Variants in MAPKAP1 observed in about 807,000 individuals in gnomAD.
The protein encoded by MAPKAP1 is target of rapamycin complex 2 subunit MAPKAP1.
MAPKAP1 carries 20 observed loss-of-function variants against 65.7 expected under a neutral mutation model. The observed-to-expected ratio is 0.30, with a 90% CI of 0.21 to 0.44. The LOEUF (loss-of-function observed/expected upper bound fraction) is 0.44, where lower values mean the gene tolerates loss of function less well. Ranked by LOEUF, MAPKAP1 falls within the 20% of genes least tolerant of loss-of-function variation. MAPKAP1 has a pLI of 1.00. For missense variants in MAPKAP1, 423 were observed against 648.0 expected, an observed-to-expected ratio of 0.65 and a Z score of 3.77; for synonymous variants, 222 against 244.3, an observed-to-expected ratio of 0.91 and a Z score of 0.85.
rs184261440 is a variant in MAPKAP1 at position 125,498,098 on chromosome 9, T to G, written c.1066+8212A>C. Among the ~76,000 whole-genome samples the G allele has an allele frequency of 4.7e-4, 72 of 152,342 alleles. 2 individuals are homozygous for G. The highest frequency in any genetic ancestry group is 1.6e-3 in the African/African-American group (67 of 41,578). On this transcript the variant is annotated intron_variant, in intron 8 of 11. Transcript: ENST00000265960. ...TTCCAGCTTCTAGCAGGCATTTGGC[T>G]GAAGGATGTAGTAGATTATCCGACA...
chr9:125,465,198 C>T (rs1245301136), intron 10 of MAPKAP1, among the ~76,000 whole-genome samples: 1 of 152,200 alleles, frequency 6.6e-6, no homozygotes, highest in African/African-American at 2.4e-5. Context: ...TCTAGACTCT[C>T]TCTCTTTGCC....
intron 3 of MAPKAP1, among the ~76,000 whole-genome samples, chr9:125,664,473 C>G (rs1476868801): frequency 6.6e-6 from 1 of 151,742 alleles, no homozygotes; most frequent in African/African-American, 2.4e-5. Flanking sequence ...GCCTGTAATC[C>G]CAGCACTTTA....
At chr9:125,621,774 G>C (rs1832907004) in intron 4 of MAPKAP1, among the ~76,000 whole-genome samples, 1 of 152,110 alleles carries the variant, frequency 6.6e-6, no homozygotes, top group South Asian at 2.1e-4. Flanking sequence ...ACTATACATG[G>C]GTTCTTAAGG....
chr9:125,531,726 A>G (rs1829939153), intron 7 of MAPKAP1, among the ~76,000 whole-genome samples: 1 of 152,192 alleles, frequency 6.6e-6, no homozygotes, highest in Admixed American at 6.5e-5. Context: ...GAGAACCCAT[A>G]TACCCATCAC....
chr9:125,497,673 A>C (rs1469853102), intron 8 of MAPKAP1, among the ~76,000 whole-genome samples: 4 of 152,250 alleles, frequency 2.6e-5, no homozygotes, highest in African/African-American at 9.6e-5. Flanking sequence ...ACAGGCTGCA[A>C]GTGGTTCACC....
intron 7 of MAPKAP1, among the ~76,000 whole-genome samples, chr9:125,541,306 AC>A (rs1053265872): frequency 6.6e-6 from 1 of 152,224 alleles, no homozygotes; most frequent in African/African-American, 2.4e-5. Flanking sequence ...AAGGAAAGAT[AC>A]TTGCTCAGCT....
At chr9:125,550,848 A>G (rs1372473855) in intron 6 of MAPKAP1, among the ~76,000 whole-genome samples, 1 of 152,252 alleles carries the variant, frequency 6.6e-6, no homozygotes, top group African/African-American at 2.4e-5. Context: ...TTGGTCCTCT[A>G]TGAATCAAGC....
rs575817501 is a variant in MAPKAP1 at position 125,515,635 on chromosome 9, G to A, written c.959-9218C>T. Reference sequence around the variant, plus strand: ...AGCCCCAGCCTAATGGCAAAAAATCGTAACTAAATTGAACCGATCACCAGA... The same window carrying A: ...AGCCCCAGCCTAATGGCAAAAAATCATAACTAAATTGAACCGATCACCAGA... On this transcript the variant is annotated intron_variant, in intron 7 of 11. Coordinates refer to ENST00000265960, the MANE Select transcript of MAPKAP1 (RefSeq NM_001006617.3). 7.1e-4 allele frequency among the ~76,000 whole-genome samples: 108 copies of A among 152,304 alleles called. 1 individual carries two copies. The Middle Eastern group carries it at 0.014, about 19-fold the overall frequency.
At chr9:125,543,023 TTC>T in intron 7 of MAPKAP1, 34 bp downstream of exon 7, 1 of 1,380,704 alleles carries the variant, frequency 7.2e-7, no homozygotes, top group African/African-American at 1.4e-5. Flanking sequence ...AGGGTTAAGC[TTC>T]TACTACTGTG....
intron 4 of MAPKAP1, among the ~76,000 whole-genome samples, chr9:125,643,286 C>T (rs1230858708): frequency 2.0e-5 from 3 of 151,970 alleles, no homozygotes; most frequent in African/African-American, 7.3e-5. Flanking sequence ...ACTCTGCCTC[C>T]TGGGTTCAAG....
intron 7 of MAPKAP1, chr9:125,521,498 A>G: frequency 7.9e-7 from 1 of 1,270,872 alleles, no homozygotes; most frequent in Non-Finnish European, 9.9e-7. Flanking sequence ...ATTTATTTTA[A>G]ACAATTGTAA....
intron 10 of MAPKAP1, 45 bp downstream of exon 10, chr9:125,467,927 G>C: frequency 6.2e-7 from 1 of 1,601,984 alleles, no homozygotes; most frequent in Non-Finnish European, 8.5e-7. Context: ...GAAGAGAAGA[G>C]AGGGGAAAGA....
At chr9:125,632,632 G>A (rs1295644860) in intron 4 of MAPKAP1, among the ~76,000 whole-genome samples, 1 of 152,148 alleles carries the variant, frequency 6.6e-6, no homozygotes. Context: ...TTTAGTCCCT[G>A]ACTTTGTCAC....
At chr9:125,699,377 T>C (rs993022248) in intron 1 of MAPKAP1, among the ~76,000 whole-genome samples, 1 of 151,780 alleles carries the variant, frequency 6.6e-6, no homozygotes, top group Non-Finnish European at 1.5e-5. Flanking sequence ...CCAAGCTAAT[T>C]GTTTTGATTT....
At chr9:125,697,838 C>T (rs939382334) in intron 1 of MAPKAP1, among the ~76,000 whole-genome samples, 5 of 152,072 alleles carry the variant, frequency 3.3e-5, no homozygotes, top group Non-Finnish European at 5.9e-5. Flanking sequence ...ACCATCTTAC[C>T]ACCAATCTTT....
At chr9:125,563,859 C>T (rs1214797174) in intron 5 of MAPKAP1, among the ~76,000 whole-genome samples, 1 of 152,110 alleles carries the variant, frequency 6.6e-6, no homozygotes, top group Non-Finnish European at 1.5e-5. Flanking sequence ...ATTATAGGTG[C>T]CTGCCACCAC....
chr9:125,559,894 T>C lies in MAPKAP1; in HGVS notation c.672-85A>G, dbSNP rs557110007. 1.5e-5 allele frequency: 20 copies of C among 1,317,100 alleles called. No homozygotes were observed. The South Asian group carries it at 2.0e-4, about 13-fold the overall frequency. The allele number at this position is 1,317,100 out of a possible 1,614,324, so 81.6% of individuals were successfully genotyped here. ...GAGGGTATGGTGCACAGCAAGCAAA[T>C]TGAGGAGACTGCTTTTCTTTACCCC... On this transcript the variant is annotated intron_variant, in intron 5 of 11. Transcript: ENST00000265960.
rs77707825 is a variant in MAPKAP1 at position 125,627,245 on chromosome 9, T to C, written c.498+30406A>G. Among the ~76,000 whole-genome samples, 945 of 152,272 alleles carry C rather than the reference T, an allele frequency of 6.2e-3. 16 individuals are homozygous for C. The highest frequency in any genetic ancestry group is 0.022 in the African/African-American group (909 of 41,550). On this transcript the variant is annotated intron_variant, in intron 4 of 11. Coordinates refer to ENST00000265960, the MANE Select transcript of MAPKAP1 (RefSeq NM_001006617.3). ...GACGCCTTCTGATAACTTAAAAAAT[T>C]TCACACTACCCCAAAGATGATACAC...
At chr9:125,654,950 T>C (rs954894398) in intron 4 of MAPKAP1, among the ~76,000 whole-genome samples, 11 of 152,052 alleles carry the variant, frequency 7.2e-5, no homozygotes, top group African/African-American at 2.4e-4. Flanking sequence ...CTCTTCCCCA[T>C]CCCCTTCTCT....
Sources: gnomAD v4.1 joint callset for allele counts (sites outside exome capture counted in the v4.1 genomes callset) on GRCh38, gnomAD v4.1.1 for gene constraint, MANE v1.5 for transcripts, NCBI Gene and HGNC (gene_info 2026-07-23, HGNC 2026-07-21) for gene names.